SEMA6D: variants seen among roughly 807,000 people sequenced by gnomAD.
The protein encoded by SEMA6D is semaphorin-6D.
A neutral mutation model predicts 106.6 loss-of-function variants in SEMA6D; 35 were observed. That is an observed-to-expected ratio of 0.33 (90% CI 0.25 to 0.44). SEMA6D has a LOEUF of 0.44. SEMA6D is among the 20% of genes least tolerant of loss of function. The pLI is 1.00. For missense variants in SEMA6D, 1,185 were observed against 1,345.9 expected, an observed-to-expected ratio of 0.88 and a Z score of 1.87; for synonymous variants, 499 against 487.7, an observed-to-expected ratio of 1.02 and a Z score of -0.31.
chr15:47,575,470 A>T (rs1274997668), intron 3 of SEMA6D, among the ~76,000 whole-genome samples: 1 of 152,146 alleles, frequency 6.6e-6, no homozygotes, highest in African/African-American at 2.4e-5. Context: ...CTGTAATCCC[A>T]GCACTTTGGG....
chr15:47,465,234 A>T (rs2042624897), intron 2 of SEMA6D, among the ~76,000 whole-genome samples: 1 of 152,190 alleles, frequency 6.6e-6, no homozygotes, highest in Non-Finnish European at 1.5e-5. Flanking sequence ...TGTGTAAGAA[A>T]TATTGAAACA....
intron 1 of SEMA6D, among the ~76,000 whole-genome samples, chr15:47,304,953 C>T (rs1450400635): frequency 1.3e-5 from 2 of 152,176 alleles, no homozygotes. Flanking sequence ...CCCTGACCAT[C>T]TCTATTCATA....
intron 3 of SEMA6D, among the ~76,000 whole-genome samples, chr15:47,497,055 A>G (rs1266305740): frequency 6.6e-6 from 1 of 151,996 alleles, no homozygotes; most frequent in Non-Finnish European, 1.5e-5. Context: ...CACTCTCTCA[A>G]TAGTTGTGCT....
At chr15:47,654,511 T>C (rs556684954) in intron 4 of SEMA6D, among the ~76,000 whole-genome samples, 9 of 152,314 alleles carry the variant, frequency 5.9e-5, no homozygotes, top group African/African-American at 1.9e-4. Flanking sequence ...TGGATCATCA[T>C]TGATATAGTT....
At chr15:47,387,133 A>G (rs1873708709) in intron 1 of SEMA6D, among the ~76,000 whole-genome samples, 1 of 152,218 alleles carries the variant, frequency 6.6e-6, no homozygotes, top group Non-Finnish European at 1.5e-5. Context: ...GTTGCCTTCT[A>G]GGACACCAAA....
chr15:47,407,259 C>T (rs1466771880), intron 1 of SEMA6D, among the ~76,000 whole-genome samples: 1 of 149,594 alleles, frequency 6.7e-6, no homozygotes, highest in Non-Finnish European at 1.5e-5. Flanking sequence ...ATCCCAGCTA[C>T]TTGGGAGGCT....
chr15:47,756,736 G>A (rs1357543645), intron 1 of SEMA6D, among the ~76,000 whole-genome samples: 1 of 152,032 alleles, frequency 6.6e-6, no homozygotes, highest in Non-Finnish European at 1.5e-5. Flanking sequence ...CTTATGTAAA[G>A]TCAGAGCTAA....
At chr15:47,350,382 TAC>T (rs2038271910) in intron 1 of SEMA6D, among the ~76,000 whole-genome samples, 1 of 152,192 alleles carries the variant, frequency 6.6e-6, no homozygotes, top group African/African-American at 2.4e-5. Flanking sequence ...TGGGGTCAAA[TAC>T]TTGAATATCT....
chr15:47,360,851 A>G (rs768999124), intron 1 of SEMA6D, among the ~76,000 whole-genome samples: 2 of 152,254 alleles, frequency 1.3e-5, no homozygotes, highest in Non-Finnish European at 2.9e-5. Flanking sequence ...ATCACAGGAA[A>G]CCATATACTG....
At chr15:47,505,490 A>G (rs1337666107) in intron 3 of SEMA6D, among the ~76,000 whole-genome samples, 1 of 152,198 alleles carries the variant, frequency 6.6e-6, no homozygotes, top group African/African-American at 2.4e-5. Flanking sequence ...TTTGGGGACA[A>G]TATGAACATG....
chr15:47,590,136 T>A (rs1282938722), intron 3 of SEMA6D, among the ~76,000 whole-genome samples: 1 of 152,026 alleles, frequency 6.6e-6, no homozygotes, highest in African/African-American at 2.4e-5. Context: ...AACCCAAATG[T>A]CCATCAATGA....
At chr15:47,505,475 G>GGCCC (rs2044008492) in intron 3 of SEMA6D, among the ~76,000 whole-genome samples, 4 of 152,150 alleles carry the variant, frequency 2.6e-5, no homozygotes, top group Non-Finnish European at 5.9e-5. Context: ...GACTGATAAA[G>GGCCC]AACATTTGGG....
chr15:47,435,223 GA>G (rs1481595460), intron 2 of SEMA6D, among the ~76,000 whole-genome samples: 1 of 152,076 alleles, frequency 6.6e-6, no homozygotes, highest in East Asian at 1.9e-4. Flanking sequence ...AATGGAGAAG[GA>G]AATATTCTAA....
rs1738659111 is a variant in SEMA6D, at chr15:47,506,436, TGA to T, written c.-87+35893_-87+35894del. ...TTAGGAACAGAGGACATGTTAAGCT[TGA>T]GGCTTAAATACAGAACTTGGCAGGA... On this transcript the variant is annotated intron_variant, in intron 3 of 19. Coordinates refer to the SEMA6D transcript ENST00000558014. 2.6e-5 allele frequency among the ~76,000 whole-genome samples: 4 copies of T among 152,284 alleles called. 1 individual carries two copies. The Middle Eastern group carries it at 0.01, about 388-fold the overall frequency.
chr15:47,762,167 G>A, intron 7 of SEMA6D, 33 bp from the exon 8 acceptor site: 1 of 1,613,062 alleles, frequency 6.2e-7, no homozygotes, highest in Non-Finnish European at 8.5e-7. Flanking sequence ...GATAATTATG[G>A]TTATCTTACC....
At chr15:47,334,479 A>G (rs2037473202) in intron 1 of SEMA6D, among the ~76,000 whole-genome samples, 1 of 152,192 alleles carries the variant, frequency 6.6e-6, no homozygotes, top group South Asian at 2.1e-4. Flanking sequence ...GTCTCCAGGT[A>G]GATAGTGTCA....
intron 1 of SEMA6D, among the ~76,000 whole-genome samples, chr15:47,401,733 G>A (rs2040407765): frequency 6.6e-6 from 1 of 152,146 alleles, no homozygotes; most frequent in Non-Finnish European, 1.5e-5. Flanking sequence ...TTTCCACTTT[G>A]TAAATTAGGA....
rs572594912 is a variant in SEMA6D, at chr15:47,309,209, T to C, written c.-238-103184T>C. On this transcript the variant is annotated intron_variant, in intron 1 of 19. Coordinates refer to the SEMA6D transcript ENST00000558014. ...TCAGTTTCCCCATGTCAATCACCATTTGGAAATATTAAATGGAAATTCCAG... is the reference window on the plus strand; with the variant it reads ...TCAGTTTCCCCATGTCAATCACCATCTGGAAATATTAAATGGAAATTCCAG... Among the ~76,000 whole-genome samples the C allele has an allele frequency of 3.3e-5, 5 of 152,306 alleles. No individual in the cohort carries two copies. In the East Asian group the frequency reaches 9.7e-4, roughly 29 times the overall value.
At chr15:47,650,221 C>A (rs1033556789) in intron 4 of SEMA6D, among the ~76,000 whole-genome samples, 1 of 152,138 alleles carries the variant, frequency 6.6e-6, no homozygotes, top group African/African-American at 2.4e-5. Context: ...GTTTGTAGTT[C>A]TCTAAAAACC....
Sources: gnomAD v4.1 joint callset for allele counts (sites outside exome capture counted in the v4.1 genomes callset) on GRCh38, gnomAD v4.1.1 for gene constraint, MANE v1.5 for transcripts, NCBI Gene and HGNC (gene_info 2026-07-23, HGNC 2026-07-21) for gene names.